Variants in RNF4 observed in about 807,000 individuals in gnomAD.
The protein encoded by RNF4 is ring finger protein 4.
RNF4 carries 7 observed loss-of-function variants against 24.3 expected under a neutral mutation model. The ratio of observed to expected loss-of-function variants is 0.29; its 90% CI spans 0.16 to 0.54. The LOEUF is 0.54. Ranked by LOEUF, RNF4 falls within the 20% of genes least tolerant of loss-of-function variation. The pLI, the probability that RNF4 is intolerant of heterozygous loss-of-function variation, is 0.95. For missense variants in RNF4, 209 were observed against 248.5 expected (o/e 0.84, Z 1.07); for synonymous variants, 83 against 84.3 (o/e 0.98, Z 0.09).
At chr4:2,491,083 A>C (rs967122745) in intron 2 of RNF4, among the ~76,000 whole-genome samples, 1 of 152,116 alleles carries the variant, frequency 6.6e-6, no homozygotes, top group African/African-American at 2.4e-5. Flanking sequence ...TCTATAAAGT[A>C]TTTGCAACCC....
intron 1 of RNF4, among the ~76,000 whole-genome samples, chr4:2,484,137 T>C (rs1011625494): frequency 1.5e-5 from 2 of 135,556 alleles, no homozygotes; most frequent in African/African-American, 2.8e-5. Flanking sequence ...CCCAGGTCTC[T>C]TATTTTCAGT....
chr4:2,489,056 A>AC (rs1351493525), intron 1 of RNF4, among the ~76,000 whole-genome samples: 2 of 151,808 alleles, frequency 1.3e-5, no homozygotes, highest in Non-Finnish European at 2.9e-5. Flanking sequence ...CAGGTGATCC[A>AC]CCCGCCTTGG....
intron 2 of RNF4, 56 bp from the exon 3 acceptor site, chr4:2,496,951 C>T: frequency 7.4e-7 from 1 of 1,352,450 alleles, no homozygotes; most frequent in South Asian, 1.3e-5. Flanking sequence ...TTAGTTCTTC[C>T]TGAAACCCTG....
chr4:2,491,149 T>C (rs955551065), intron 2 of RNF4, among the ~76,000 whole-genome samples: 1 of 152,350 alleles, frequency 6.6e-6, no homozygotes, highest in East Asian at 1.9e-4. Flanking sequence ...GTTCATTCAG[T>C]GTGAGCATGG....
intron 1 of RNF4, among the ~76,000 whole-genome samples, chr4:2,474,140 C>T (rs1483008883): frequency 6.6e-6 from 1 of 151,948 alleles, no homozygotes; most frequent in African/African-American, 2.4e-5. Context: ...CTTTGGGAGG[C>T]CAAGGCAGGC....
Position 2,512,303 on chromosome 4 carries a change from C to A in RNF4, c.215-135C>A. 9.4e-7 allele frequency: 1 copy of A among 1,068,744 alleles called. No homozygotes were observed. The highest frequency in any genetic ancestry group is 1.4e-6 in the Non-Finnish European group (1 of 717,890). The allele number at this position is 1,068,744 out of a possible 1,614,324, so 66.2% of individuals were successfully genotyped here. On this transcript the variant is annotated intron_variant, in intron 5 of 7. Coordinates refer to ENST00000314289, the MANE Select transcript of RNF4 (RefSeq NM_002938.5). The surrounding 1 kb of genome is among the most constrained non-coding windows in gnomAD (Gnocchi z 4.1). ...CTGGGCAGAACCTTCTGGGTTATAG[C>A]TGAGCATGGCAGCAGTTTGTCTCTG...
chr4:2,491,651 A>G (rs1371079824), intron 2 of RNF4, among the ~76,000 whole-genome samples: 1 of 152,118 alleles, frequency 6.6e-6, no homozygotes, highest in East Asian at 1.9e-4. Flanking sequence ...CATGTTGGCC[A>G]GGCTGGTCTC....
chr4:2,473,963 C>G (rs952665673), intron 1 of RNF4, among the ~76,000 whole-genome samples: 1 of 152,156 alleles, frequency 6.6e-6, no homozygotes, highest in Non-Finnish European at 1.5e-5. Flanking sequence ...GCATAGTAAT[C>G]CCGGCCACTC....
At chr4:2,483,660 C>T (rs704351) in intron 1 of RNF4, among the ~76,000 whole-genome samples, 30,004 of 151,590 alleles carry the variant, frequency 0.2, 3,315 homozygotes, top group East Asian at 0.38. Flanking sequence ...AAAAATTAGC[C>T]GGGCATGGTG....
chr4:2,495,798 A>T (rs565326789), intron 2 of RNF4, among the ~76,000 whole-genome samples: 1 of 152,158 alleles, frequency 6.6e-6, no homozygotes, highest in East Asian at 1.9e-4. Context: ...ACGCCCAGCT[A>T]ATTTTGTATT....
rs1369323143 is a variant in RNF4, at chr4:2,513,574, T to C, written c.424-96T>C. 5 of 1,448,436 alleles carry C rather than the reference T, an allele frequency of 3.5e-6. No homozygotes were observed. The South Asian group carries it at 4.9e-5, about 14-fold the overall frequency. 89.7% of individuals were successfully genotyped at this position (1,448,436 alleles called of 1,614,324 possible). A position where few individuals can be genotyped will look rare whatever the true frequency, so the allele number is the denominator to read the frequency against. On this transcript the variant is annotated intron_variant, in intron 7 of 7. Transcript: ENST00000314289. ...AGCCTGGCCCTTGCTTTCCTTTAAT[T>C]AGTCATCTTAGGCATAGGTGGGTGG...
At chr4:2,472,866 C>T (rs538760439) in intron 1 of RNF4, among the ~76,000 whole-genome samples, 2 of 151,306 alleles carry the variant, frequency 1.3e-5, no homozygotes, top group South Asian at 4.2e-4. Flanking sequence ...TGGTGAAACC[C>T]CATCTCTACT....
chr4:2,510,544 A>G, intron 4 of RNF4, among the ~76,000 whole-genome samples: 1 of 152,222 alleles, frequency 6.6e-6, no homozygotes, highest in East Asian at 1.9e-4. Flanking sequence ...AGCAGCTCAA[A>G]TCGGCCTCCA....
At chr4:2,505,544 C>G (rs1434609784) in intron 4 of RNF4, 1 of 150,010 alleles carries the variant, frequency 6.7e-6, no homozygotes, top group East Asian at 2.0e-4. Context: ...CCAGGATGGT[C>G]TCGATCTCCT....
At chr4:2,510,570 G>C (rs1736243745) in intron 4 of RNF4, among the ~76,000 whole-genome samples, 1 of 152,238 alleles carries the variant, frequency 6.6e-6, no homozygotes, top group Admixed American at 6.5e-5. Context: ...TGCCCTGCCA[G>C]TAGCATGAGT....
intron 2 of RNF4, among the ~76,000 whole-genome samples, chr4:2,493,571 G>A (rs564329700): frequency 3.2e-4 from 48 of 151,774 alleles, no homozygotes; most frequent in African/African-American, 1.1e-3. Flanking sequence ...GTGAAACCCC[G>A]TTTCCACTAA....
At chr4:2,500,601 G>A in intron 3 of RNF4, 58 bp from the exon 4 acceptor site, 2 of 1,549,330 alleles carry the variant, frequency 1.3e-6, no homozygotes, top group Non-Finnish European at 1.8e-6. Context: ...AAGTGTAGAG[G>A]GATACAACCT....
intron 1 of RNF4, among the ~76,000 whole-genome samples, chr4:2,485,592 G>C (rs1735381960): frequency 6.6e-6 from 1 of 152,100 alleles, no homozygotes; most frequent in Admixed American, 6.5e-5. Flanking sequence ...ACCTTGGCGT[G>C]AGTTGTTTCT....
chr4:2,471,384 C>T (rs1426158909), intron 1 of RNF4, among the ~76,000 whole-genome samples: 2 of 152,100 alleles, frequency 1.3e-5, no homozygotes, highest in Non-Finnish European at 2.9e-5. Context: ...TGTGTACTAA[C>T]AGCTCCACTG....
Sources: gnomAD v4.1 joint callset for allele counts (sites outside exome capture counted in the v4.1 genomes callset) on GRCh38, gnomAD v4.1.1 for gene constraint, Gnocchi (gnomAD v3.1) non-coding constraint, MANE v1.5 for transcripts, NCBI Gene and HGNC (gene_info 2026-07-23, HGNC 2026-07-21) for gene names.